The following PATL1 variants were observed in gnomAD, a reference collection of about 807,000 sequenced individuals.
PATL1 encodes the protein PAT1 homolog 1, processing body mRNA decay factor.
A neutral mutation model predicts 100.6 loss-of-function variants in PATL1; 32 were observed. That is an observed-to-expected ratio of 0.32 (90% CI 0.24 to 0.43). PATL1 has a LOEUF of 0.43. Ranked by LOEUF, PATL1 falls within the 20% of genes least tolerant of loss-of-function variation. The pLI is 1.00. For missense variants in PATL1, 747 were observed against 949.9 expected (o/e 0.79, Z 2.81); for synonymous variants, 332 against 330.0 (o/e 1.01, Z -0.07).
At chr11:59,655,067 G>A (rs929971853) in intron 8 of PATL1, among the ~76,000 whole-genome samples, 7 of 152,126 alleles carry the variant, frequency 4.6e-5, no homozygotes, top group Non-Finnish European at 7.4e-5. Context: ...TACAGATTTC[G>A]AACTTGTCAG....
chr11:59,655,291 A>G (rs1350830112), intron 8 of PATL1, among the ~76,000 whole-genome samples: 1 of 152,254 alleles, frequency 6.6e-6, no homozygotes. Flanking sequence ...TGTGACGATT[A>G]GCTGACTTTT....
chr11:59,663,955 C>G (rs1235277746), intron 2 of PATL1, among the ~76,000 whole-genome samples: 1 of 152,108 alleles, frequency 6.6e-6, no homozygotes, highest in Non-Finnish European at 1.5e-5. Flanking sequence ...AAACAATTTT[C>G]TTTTTATAGT....
rs182415675 is a variant in PATL1 at position 59,666,276 on chromosome 11, T to C, written c.127+577A>G. ...AGAATAAATAAATAAATAAATAATATGTATCTATACCCAGGGATGGACAAA... is the reference window on the plus strand; with the variant it reads ...AGAATAAATAAATAAATAAATAATACGTATCTATACCCAGGGATGGACAAA... On this transcript the variant is annotated intron_variant, in intron 2 of 18. Transcript: ENST00000300146. Among the ~76,000 whole-genome samples the C allele has an allele frequency of 8.0e-5, 12 of 150,750 alleles. No individual in the cohort carries two copies. The East Asian group carries it at 2.1e-3, about 27-fold the overall frequency.
At chr11:59,656,880 CA>C (rs1861544651) in intron 5 of PATL1, among the ~76,000 whole-genome samples, 1 of 152,192 alleles carries the variant, frequency 6.6e-6, no homozygotes, top group Admixed American at 6.5e-5. Context: ...TTCTGACTTG[CA>C]AATTCTCTCC....
intron 15 of PATL1, 61 bp from the exon 16 acceptor site, chr11:59,643,096 AG>A: frequency 6.5e-7 from 1 of 1,544,168 alleles, no homozygotes; most frequent in South Asian, 1.2e-5. Flanking sequence ...ACCCCCCACC[AG>A]GGGCATGGAT....
chr11:59,657,553 C>A lies in PATL1; in HGVS notation c.598G>T (p.Ala200Ser). The change falls in exon 5 of 19, where the codon GCT becomes TCT. Residue 200 changes from alanine to serine, a missense_variant. Ala to Ser is a moderately conservative substitution (Grantham distance 99). Coordinates refer to ENST00000300146, the MANE Select transcript of PATL1 (RefSeq NM_152716.3). ...VPIGTPPKQM[A>S]VPSFTQQILC... is the part of the protein sequence containing the mutation. ...ACCTGTTGGGTGAAGCTGGGTACAGCCATCTGTTTAGGTGGGGTGCCTATG... is the reference window on the plus strand; with the variant it reads ...ACCTGTTGGGTGAAGCTGGGTACAGACATCTGTTTAGGTGGGGTGCCTATG... The A allele has an allele frequency of 6.2e-7, 1 of 1,607,952 alleles. No individual in the cohort carries two copies. The highest frequency in any genetic ancestry group is 8.5e-7 in the Non-Finnish European group (1 of 1,177,250).
At chr11:59,663,511 C>T (rs1861652486) in intron 2 of PATL1, among the ~76,000 whole-genome samples, 1 of 151,752 alleles carries the variant, frequency 6.6e-6, no homozygotes, top group Admixed American at 6.6e-5. Context: ...TTACTTAACC[C>T]GTCACTCTTC....
rs768822194 is a variant in PATL1, at chr11:59,652,961, T to C, written c.1179A>G (p.Gln393=). 18 of 1,613,896 alleles carry C rather than the reference T, an allele frequency of 1.1e-5. No homozygotes were observed. Among genetic ancestry groups the C allele is most frequent in the Middle Eastern group, 1.6e-4 (1 of 6,084 alleles). The change falls in exon 10 of 19, where the codon CAA becomes CAG. Residue 393 remains glutamine (Q), a synonymous_variant. Coordinates refer to ENST00000300146, the MANE Select transcript of PATL1 (RefSeq NM_152716.3). ...GDRGSHRSSH[Q]DHLRKDPYAN... Reference sequence around the variant, plus strand: ...CATATGGATCCTTTCGGAGATGATCTTGATGACTGCTCCGGTGACTTCCTC... The same window carrying C: ...CATATGGATCCTTTCGGAGATGATCCTGATGACTGCTCCGGTGACTTCCTC...
intron 2 of PATL1, among the ~76,000 whole-genome samples, chr11:59,662,300 G>C (rs983236444): frequency 1.3e-5 from 2 of 152,062 alleles, no homozygotes; most frequent in African/African-American, 4.8e-5. Context: ...CCGGGACATG[G>C]GTCTTCTTTA....
At chr11:59,647,295 C>T (rs1435623201) in intron 15 of PATL1, among the ~76,000 whole-genome samples, 2 of 149,758 alleles carry the variant, frequency 1.3e-5, no homozygotes, top group Non-Finnish European at 3.0e-5. Context: ...ACTAAGTCTA[C>T]AGGCTAATGT....
chr11:59,651,699 G>A (rs1861445689), intron 11 of PATL1, 58 bp from the exon 12 acceptor site: 1 of 1,109,086 alleles, frequency 9.0e-7, no homozygotes, highest in Non-Finnish European at 1.3e-6. Flanking sequence ...AATGCAGGCA[G>A]GCAGTGTTCA....
At chr11:59,652,064 CAAAAAAAAAAAA>C (rs748019832) in intron 11 of PATL1, among the ~76,000 whole-genome samples, 2,362 of 53,094 alleles carry the variant, frequency 0.044, 93 homozygotes, top group African/African-American at 0.13. Context: ...GGCTCTTTCT[CAAAAAAAAAAAA>C]AAAAAAAAAA....
rs538713277 is a variant in PATL1 at position 59,659,685 on chromosome 11, G to A, written c.128-216C>T. 5.6e-4 allele frequency among the ~76,000 whole-genome samples: 85 copies of A among 151,878 alleles called. 1 individual carries two copies. The highest frequency in any genetic ancestry group is 1.7e-3 in the South Asian group (8 of 4,808). On this transcript the variant is annotated intron_variant, in intron 2 of 18. Transcript: ENST00000300146. ...AGCTGGAGTAGCTGGGACTACAGGC[G>A]CCCACCACCACACCTGGCTAATTTT... is the stretch of plus-strand genomic sequence containing the variant.
intron 8 of PATL1, among the ~76,000 whole-genome samples, chr11:59,654,432 G>A (rs1402264489): frequency 6.7e-6 from 1 of 149,818 alleles, no homozygotes; most frequent in Non-Finnish European, 1.5e-5. Flanking sequence ...AGCCGAGATC[G>A]TGTGGGTCAC....
chr11:59,667,089 T>C (rs1397344972), intron 1 of PATL1, 125 bp from the exon 2 acceptor site: 2 of 1,415,100 alleles, frequency 1.4e-6, no homozygotes, highest in East Asian at 2.7e-5. Context: ...TTTGTAAAGA[T>C]GGCATTTTTT....
chr11:59,657,770 T>G (rs193207298), intron 4 of PATL1, 46 bp from the exon 5 acceptor site: 8 of 1,447,060 alleles, frequency 5.5e-6, no homozygotes, highest in Non-Finnish European at 6.5e-6. Flanking sequence ...ACTAACTTGG[T>G]ATGTTTTAGT....
At chr11:59,653,113 T>A in intron 9 of PATL1, 95 bp from the exon 10 acceptor site, 1 of 1,131,894 alleles carries the variant, frequency 8.8e-7, no homozygotes, top group Non-Finnish European at 1.2e-6. Context: ...TTTTTTTTTT[T>A]TAAAGATTCC....
chr11:59,644,700 T>C (rs754576215), intron 15 of PATL1, among the ~76,000 whole-genome samples: 2 of 151,968 alleles, frequency 1.3e-5, no homozygotes, highest in African/African-American at 2.4e-5. Flanking sequence ...TCAGGTTCAG[T>C]AGGATGTGGG....
Position 59,666,882 on chromosome 11 carries a change from T to C in PATL1, c.98A>G (p.Asn33Ser). ...GEEDEEIDQF[N>S]DDTFGSGAVD... ...TGCACCTGACCCAAATGTATCATCA[T>C]TGAATTGATCAATCTCTTCATCTTC... Residue 33 changes from asparagine to serine, a missense_variant, in exon 2 of 19, where the codon AAT (asparagine) becomes AGT (serine). Asn to Ser is a conservative substitution (Grantham distance 46, BLOSUM62 1). Transcript: ENST00000300146. 2 of 1,551,088 alleles carry C rather than the reference T, an allele frequency of 1.3e-6. No individual in the cohort carries two copies. Among genetic ancestry groups the C allele is most frequent in the Non-Finnish European group, 8.7e-7 (1 of 1,146,850 alleles).
Sources: allele counts gnomAD v4.1 joint callset (sites outside exome capture counted in the v4.1 genomes callset), GRCh38; gene constraint gnomAD v4.1.1; transcripts MANE v1.5; gene names NCBI Gene and HGNC (gene_info 2026-07-23, HGNC 2026-07-21).